The following ZNRF1 variants were observed in gnomAD, a reference collection of about 807,000 sequenced individuals.
The protein encoded by ZNRF1 is E3 ubiquitin-protein ligase ZNRF1.
A neutral mutation model predicts 18.4 loss-of-function variants in ZNRF1; 3 were observed. That is an observed-to-expected ratio of 0.16 (90% confidence interval 0.07 to 0.42). The LOEUF (loss-of-function observed/expected upper bound fraction) is 0.42. Ranked by LOEUF, ZNRF1 falls within the 10% of genes least tolerant of loss-of-function variation. The pLI is 0.99. For synonymous variants in ZNRF1, 157 were observed against 144.2 expected, an observed-to-expected ratio of 1.09 and a Z score of -0.64; for missense variants, 310 against 329.8, an observed-to-expected ratio of 0.94 and a Z score of 0.47.
In ZNRF1 at chr16:75,010,711, G is replaced by GTTTTTTTTT. The variant is rs67210395; in HGVS notation, c.424+10623_424+10624insTTTTTTTTT. 2.3e-3 allele frequency among the ~76,000 whole-genome samples: 172 copies of GTTTTTTTTT among 74,334 alleles called. 13 individuals carry two copies. The highest frequency in any genetic ancestry group is 3.1e-3 in the South Asian group (8 of 2,596). The allele number at this position is 74,334 out of a possible 152,430, so 48.8% of individuals were successfully genotyped here. A position where few individuals can be genotyped will look rare whatever the true frequency, so the allele number is the denominator to read the frequency against. ...CCTCTGTACTGTACTGTTTTTTTTT[G>GTTTTTTTTT]TTTTTTTGTTTTTTTTTTTTTGAGG... is the stretch of plus-strand genomic sequence containing the variant. On this transcript the variant is annotated intron_variant, in intron 1 of 4. Coordinates refer to ENST00000335325, the MANE Select transcript of ZNRF1 (RefSeq NM_032268.5).
chr16:75,097,416 A>G (rs1028988647), intron 2 of ZNRF1, among the ~76,000 whole-genome samples: 4 of 151,924 alleles, frequency 2.6e-5, no homozygotes, highest in African/African-American at 9.7e-5. Flanking sequence ...GTTCTGGGGG[A>G]GCAGAAGCCC....
chr16:75,083,457 T>TA (rs1163669908), intron 1 of ZNRF1, among the ~76,000 whole-genome samples: 3 of 152,220 alleles, frequency 2.0e-5, no homozygotes, highest in Non-Finnish European at 4.4e-5. Context: ...ACCTCAGAGA[T>TA]ATGTTGGAGT....
In ZNRF1 at chr16:75,046,145, C is replaced by T. The variant is rs141957333; in HGVS notation, c.424+46050C>T. On this transcript the variant is annotated intron_variant, in intron 1 of 4. Coordinates refer to ENST00000335325, the MANE Select transcript of ZNRF1 (RefSeq NM_032268.5). The stretch of plus-strand genomic sequence containing the variant: ...TCTCGAACTCCTGACCTCAGGTGAT[C>T]TGCCTGCCTCGGCCTCCCAAAGTGC... 6.6e-3 allele frequency among the ~76,000 whole-genome samples: 1,003 copies of T among 152,174 alleles called. 10 individuals are homozygous for T. The highest frequency in any genetic ancestry group is 0.023 in the African/African-American group (947 of 41,496).
chr16:75,091,190 C>G (rs971313329), intron 1 of ZNRF1, among the ~76,000 whole-genome samples: 1 of 151,952 alleles, frequency 6.6e-6, no homozygotes, highest in African/African-American at 2.4e-5. Context: ...GAAACCTAGT[C>G]TCTCCTAAAA....
chr16:75,066,842 T>C lies in ZNRF1; in HGVS notation c.425-26730T>C, dbSNP rs191107246. Reference sequence around the variant, plus strand: ...ATAAAATGATAATCTTCCTTTCTCGTTGACTTAGAAATTCAGGGCTATTTC... The same window carrying C: ...ATAAAATGATAATCTTCCTTTCTCGCTGACTTAGAAATTCAGGGCTATTTC... On this transcript the variant is annotated intron_variant, in intron 1 of 4. Transcript: ENST00000335325. Among the ~76,000 whole-genome samples the C allele has an allele frequency of 2.1e-3, 323 of 152,254 alleles. 2 individuals are homozygous for C. Among genetic ancestry groups the C allele is most frequent in the African/African-American group, 7.6e-3 (315 of 41,542 alleles).
chr16:74,999,397 G>A lies in ZNRF1; in HGVS notation c.-275G>A, dbSNP rs1331964442. ...CCGGGGGCGGCCTGTGGCGCGCGGA[G>A]CCCGCGCCGGACTGCGCCTCTTTGG... On this transcript the variant is annotated 5_prime_UTR_variant, in exon 1 of 5. Coordinates refer to ENST00000335325, the MANE Select transcript of ZNRF1 (RefSeq NM_032268.5). The A allele has an allele frequency of 7.0e-6, 2 of 285,680 alleles. No homozygotes were observed. The highest frequency in any genetic ancestry group is 6.5e-6 in the Non-Finnish European group (1 of 154,428). The allele number at this position is 285,680 out of a possible 1,614,324, so 17.7% of individuals were successfully genotyped here.
Position 75,108,096 on chromosome 16 carries a change from C to T in ZNRF1, c.*396C>T, listed in dbSNP as rs1009474898. ...TGCTGTTTGCTGCCCAGCCATAACC[C>T]ACTCAGTGACAGACGAACACAGCTA... On this transcript the variant is annotated 3_prime_UTR_variant, in exon 5 of 5. Coordinates refer to ENST00000335325, the MANE Select transcript of ZNRF1 (RefSeq NM_032268.5). 1 of 257,184 alleles carries T rather than the reference C, an allele frequency of 3.9e-6. No homozygotes were observed. Among genetic ancestry groups the T allele is most frequent in the Non-Finnish European group, 7.7e-6 (1 of 129,348 alleles). 15.9% of individuals were successfully genotyped at this position (257,184 alleles called of 1,614,324 possible).
chr16:75,047,180 ATTTAT>A (rs928687927), intron 1 of ZNRF1, among the ~76,000 whole-genome samples: 1 of 152,172 alleles, frequency 6.6e-6, no homozygotes, highest in African/African-American at 2.4e-5. Context: ...AGATTTATTT[ATTTAT>A]TTTAAGAGAT....
chr16:75,007,742 C>CAAGT lies in ZNRF1; in HGVS notation c.424+7650_424+7651insTAAG, dbSNP rs556468365. Among the ~76,000 whole-genome samples, 23 of 152,308 alleles carry CAAGT rather than the reference C, an allele frequency of 1.5e-4. 2 individuals are homozygous for CAAGT. Among genetic ancestry groups the CAAGT allele is most frequent in the South Asian group, 1.0e-3 (5 of 4,828 alleles). On this transcript the variant is annotated intron_variant, in intron 1 of 4. Transcript: ENST00000335325. ...AGTTTGTAACAAATGAACCTGAAAA[C>CAAGT]AAGAAGACCTTCTACATCTGAAACT... is the stretch of plus-strand genomic sequence containing the variant.
chr16:75,035,859 T>G (rs2035370153), intron 1 of ZNRF1, among the ~76,000 whole-genome samples: 1 of 152,150 alleles, frequency 6.6e-6, no homozygotes, highest in Non-Finnish European at 1.5e-5. Flanking sequence ...TAGAGAAAGG[T>G]CATAAACTAG....
chr16:75,004,995 A>T (rs1038508615), intron 1 of ZNRF1, among the ~76,000 whole-genome samples: 2 of 152,134 alleles, frequency 1.3e-5, no homozygotes, highest in African/African-American at 4.8e-5. Flanking sequence ...TAGGGTTCTC[A>T]AGTGATTTAA....
rs1206239217 is a variant in ZNRF1 at position 74,999,147 on chromosome 16, G to A, written c.-525G>A. 1 of 147,076 alleles carries A rather than the reference G, an allele frequency of 6.8e-6. No homozygotes were observed. The highest frequency in any genetic ancestry group is 2.4e-5 in the African/African-American group (1 of 40,934). The allele number at this position is 147,076 out of a possible 1,614,324, so 9.1% of individuals were successfully genotyped here. A position where few individuals can be genotyped will look rare whatever the true frequency, so the allele number is the denominator to read the frequency against. On this transcript the variant is annotated 5_prime_UTR_variant, in exon 1 of 5. Transcript: ENST00000335325. Reference sequence around the variant, plus strand: ...ACGCGACGCGACCGCGGCTTCCCGAGCTGCGCCTGGCCGCCCAGCGCCGCG... The same window carrying A: ...ACGCGACGCGACCGCGGCTTCCCGAACTGCGCCTGGCCGCCCAGCGCCGCG...
chr16:75,069,877 C>T (rs897097240), intron 1 of ZNRF1, among the ~76,000 whole-genome samples: 1 of 152,204 alleles, frequency 6.6e-6, no homozygotes, highest in Non-Finnish European at 1.5e-5. Context: ...ATCTTCACCC[C>T]TGCCCCCTTT....
intron 1 of ZNRF1, among the ~76,000 whole-genome samples, chr16:75,078,274 C>T (rs911546418): frequency 6.7e-4 from 96 of 142,692 alleles, no homozygotes; most frequent in African/African-American, 2.4e-3. Flanking sequence ...TTTTAATTCT[C>T]TTCCATACAT....
At chr16:75,024,093 C>T (rs1209243778) in intron 1 of ZNRF1, among the ~76,000 whole-genome samples, 1 of 152,086 alleles carries the variant, frequency 6.6e-6, no homozygotes, top group Non-Finnish European at 1.5e-5. Context: ...TGGTCTCGAA[C>T]TCCTGACCTC....
At chr16:75,011,785 C>G (rs114469828) in intron 1 of ZNRF1, among the ~76,000 whole-genome samples, 87 of 152,256 alleles carry the variant, frequency 5.7e-4, no homozygotes, top group African/African-American at 2.0e-3. Flanking sequence ...GATCCATTTC[C>G]TACTTGCTTC....
At chr16:75,097,771 A>C (rs1453982942) in intron 2 of ZNRF1, among the ~76,000 whole-genome samples, 1 of 152,168 alleles carries the variant, frequency 6.6e-6, no homozygotes, top group Non-Finnish European at 1.5e-5. Context: ...GAGCTTGATC[A>C]CGCCACTGCA....
chr16:75,107,144 T>G (rs2036326424), intron 4 of ZNRF1: 1 of 174,946 alleles, frequency 5.7e-6, no homozygotes, highest in South Asian at 1.2e-4. Flanking sequence ...CCCACAGCAC[T>G]GGGTGCTGAC....
chr16:75,043,215 C>G (rs888930018), intron 1 of ZNRF1, among the ~76,000 whole-genome samples: 2 of 152,168 alleles, frequency 1.3e-5, no homozygotes, highest in African/African-American at 4.8e-5. Context: ...TTCCCTCAGC[C>G]CTGAGCTGTG....
Sources: allele counts gnomAD v4.1 joint callset (sites outside exome capture counted in the v4.1 genomes callset), GRCh38; gene constraint gnomAD v4.1.1; transcripts MANE v1.5; gene names NCBI Gene and HGNC (gene_info 2026-07-23, HGNC 2026-07-21).